The following LIPE variants were observed in gnomAD, a reference collection of about 807,000 sequenced individuals.
LIPE encodes the protein hormone-sensitive lipase.
Under a neutral mutation model 88.5 loss-of-function variants are expected in LIPE, and 66 were observed. That is an observed-to-expected ratio of 0.75 (90% CI 0.61 to 0.91). The LOEUF (loss-of-function observed/expected upper bound fraction) is 0.91, where lower values mean the gene tolerates loss of function less well. Ranked by LOEUF, LIPE falls within the 40% of genes least tolerant of loss-of-function variation. LIPE has a pLI of 0.00. For synonymous variants in LIPE, 570 were observed against 617.5 expected, an observed-to-expected ratio of 0.92 and a Z score of 1.14; for missense variants, 1,346 against 1,434.7, an observed-to-expected ratio of 0.94 and a Z score of 1.00.
rs866030083 is a variant in LIPE, at chr19:42,423,524, C to T, written c.883+2743G>A. On this transcript the variant is annotated intron_variant, in intron 1 of 9. Transcript: ENST00000244289. ...GCGGCCTCGGCGGGCTCCGTTCCCC[C>T]GGCCAACTCCATCAATTCCCCGCGG... is the stretch of plus-strand genomic sequence containing the variant. 5 of 1,262,042 alleles carry T rather than the reference C, an allele frequency of 4.0e-6. No homozygotes were observed. In the African/African-American group the frequency reaches 6.2e-5, roughly 16 times the overall value. 78.2% of individuals were successfully genotyped at this position (1,262,042 alleles called of 1,614,324 possible).
rs1383730487 is a variant in LIPE at position 42,424,327 on chromosome 19, T to C, written c.883+1940A>G. The C allele has an allele frequency of 8.7e-6, 4 of 458,304 alleles. No individual in the cohort carries two copies. In the East Asian group the frequency reaches 2.8e-4, roughly 32 times the overall value. 28.4% of individuals were successfully genotyped at this position (458,304 alleles called of 1,614,324 possible). On this transcript the variant is annotated intron_variant, in intron 1 of 9. Transcript: ENST00000244289. ...AGAAATGGCGGGAAACAGAGGAGGC[T>C]CGAGGCTTGCTCACACGCACACAGC...
Position 42,407,528 on chromosome 19 carries a change from C to T in LIPE, c.1843-60G>A, listed in dbSNP as rs2040225665. 9.5e-6 allele frequency: 15 copies of T among 1,579,680 alleles called. No homozygotes were observed. In the East Asian group the frequency reaches 2.0e-4, roughly 21 times the overall value. ...GGGAGAGCTGGCCAGGGCTGCACCCCTCCATGGGGATGCCAAGGTGGGGGC... is the reference window on the plus strand; with the variant it reads ...GGGAGAGCTGGCCAGGGCTGCACCCTTCCATGGGGATGCCAAGGTGGGGGC... On this transcript the variant is annotated intron_variant, in intron 5 of 9. Transcript: ENST00000244289. This position sits in a 1 kb window ranked among gnomAD's most constrained non-coding sequence, Gnocchi z 5.8.
intron 1 of LIPE, among the ~76,000 whole-genome samples, chr19:42,417,024 C>T (rs2040501759): frequency 6.6e-6 from 1 of 152,162 alleles, no homozygotes; most frequent in South Asian, 2.1e-4. Flanking sequence ...GGGTTCACGC[C>T]ATTCTCCTGC....
chr19:42,415,694 C>T (rs186201041), intron 1 of LIPE, among the ~76,000 whole-genome samples: 3 of 152,102 alleles, frequency 2.0e-5, no homozygotes, highest in African/African-American at 7.2e-5. Flanking sequence ...CCTGTAGTCC[C>T]AGCTACTAGG....
At chr19:42,409,634 G>A (rs1409537974) in intron 2 of LIPE, among the ~76,000 whole-genome samples, 1 of 152,244 alleles carries the variant, frequency 6.6e-6, no homozygotes, top group Non-Finnish European at 1.5e-5. Context: ...GCTGGGCCCT[G>A]CCCCTGGCTG....
intron 1 of LIPE, chr19:42,424,582 G>A (rs1227712469): frequency 2.2e-6 from 1 of 456,206 alleles, no homozygotes; most frequent in African/African-American, 2.0e-5. Context: ...CAGCAGCCCC[G>A]GCGCTGAGAA....
At chr19:42,409,230 G>A (rs1365276121) in intron 2 of LIPE, among the ~76,000 whole-genome samples, 1 of 151,950 alleles carries the variant, frequency 6.6e-6, no homozygotes, top group African/African-American at 2.4e-5. Context: ...GAGAGACAGC[G>A]TCTGACAGAG....
In LIPE at chr19:42,414,519, T is replaced by C. The variant is rs1049101241; in HGVS notation, c.884-3677A>G. ...CACTTGGCCTTCCTGAGATGGTGTATTGGGTGATTTTTCTCTGCGGCACTT... is the reference window on the plus strand; with the variant it reads ...CACTTGGCCTTCCTGAGATGGTGTACTGGGTGATTTTTCTCTGCGGCACTT... On this transcript the variant is annotated intron_variant, in intron 1 of 9. Transcript: ENST00000244289. The surrounding 1 kb of genome is among the most constrained non-coding windows in gnomAD (Gnocchi z 4.6). Among the ~76,000 whole-genome samples the C allele has an allele frequency of 2.0e-5, 3 of 152,196 alleles. No individual in the cohort carries two copies. Among genetic ancestry groups the C allele is most frequent in the Admixed American group, 1.3e-4 (2 of 15,278 alleles).
chr19:42,407,530 C>T lies in LIPE; in HGVS notation c.1843-62G>A. On this transcript the variant is annotated intron_variant, in intron 5 of 9. Coordinates refer to ENST00000244289, the MANE Select transcript of LIPE (RefSeq NM_005357.4). The surrounding 1 kb of genome is among the most constrained non-coding windows in gnomAD (Gnocchi z 5.8). The stretch of plus-strand genomic sequence containing the variant: ...GAGAGCTGGCCAGGGCTGCACCCCT[C>T]CATGGGGATGCCAAGGTGGGGGCTG... 4 of 1,578,856 alleles carry T rather than the reference C, an allele frequency of 2.5e-6. No individual in the cohort carries two copies. Among genetic ancestry groups the T allele is most frequent in the Non-Finnish European group, 3.5e-6 (4 of 1,158,838 alleles).
chr19:42,424,645 G>A (rs2040674649), intron 1 of LIPE: 1 of 456,218 alleles, frequency 2.2e-6, no homozygotes, highest in African/African-American at 2.0e-5. Context: ...TGGCCTCTGG[G>A]CGGAGGGGCC....
chr19:42,406,074 G>C lies in LIPE; in HGVS notation c.2365+87C>G, dbSNP rs2147591881. ...CCTCTGCCTGGCCTCTCCTTCCTCA[G>C]TCACAGGAGTCCTGGTCCCCAGCCC... On this transcript the variant is annotated intron_variant, in intron 7 of 9. Coordinates refer to ENST00000244289, the MANE Select transcript of LIPE (RefSeq NM_005357.4). The surrounding 1 kb of genome is among the most constrained non-coding windows in gnomAD (Gnocchi z 5.7). 1 of 1,191,280 alleles carries C rather than the reference G, an allele frequency of 8.4e-7. No individual in the cohort carries two copies. Among genetic ancestry groups the C allele is most frequent in the Non-Finnish European group, 1.2e-6 (1 of 836,900 alleles). The allele number at this position is 1,191,280 out of a possible 1,614,324, so 73.8% of individuals were successfully genotyped here. A position where few individuals can be genotyped will look rare whatever the true frequency, so the allele number is the denominator to read the frequency against.
Position 42,413,907 on chromosome 19 carries a change from C to T in LIPE, c.884-3065G>A, listed in dbSNP as rs376723064. 6.4e-4 allele frequency among the ~76,000 whole-genome samples: 97 copies of T among 152,274 alleles called. 1 individual carries two copies. Among genetic ancestry groups the T allele is most frequent in the African/African-American group, 2.1e-3 (87 of 41,544 alleles). On this transcript the variant is annotated intron_variant, in intron 1 of 9. Transcript: ENST00000244289. ...AGGGGCTAGTTAGCTCAGGAGAGGA[C>T]GGCCCCTCCCCAGGGCTGGCAGACA...
At position 42,408,550 on chromosome 19, in the gene LIPE, A is replaced by T; in HGVS notation, c.1420-228T>A. 1.9e-6 allele frequency: 1 copy of T among 536,026 alleles called. No homozygotes were observed. Among genetic ancestry groups the T allele is most frequent in the East Asian group, 3.2e-5 (1 of 31,342 alleles). The allele number at this position is 536,026 out of a possible 1,614,324, so 33.2% of individuals were successfully genotyped here. A position where few individuals can be genotyped will look rare whatever the true frequency, so the allele number is the denominator to read the frequency against. ...GCCACGCGCAGTATCATGACAAGGA[A>T]TGACGAATGGTTTGGAAAAAAAAAA... On this transcript the variant is annotated intron_variant, in intron 2 of 9. Transcript: ENST00000244289. The surrounding 1 kb of genome is among the most constrained non-coding windows in gnomAD (Gnocchi z 4.3).
At position 42,426,760 on chromosome 19, in the gene LIPE, T is replaced by C; in HGVS notation, c.390A>G (p.Ala130=). 6.2e-7 allele frequency: 1 copy of C among 1,614,214 alleles called. No homozygotes were observed. Among genetic ancestry groups the C allele is most frequent in the Non-Finnish European group, 8.5e-7 (1 of 1,180,026 alleles). The change falls in exon 1 of 10, where the codon GCA becomes GCG. Residue 130 remains alanine (A), a synonymous_variant. Coordinates refer to ENST00000244289, the MANE Select transcript of LIPE (RefSeq NM_005357.4). ...GKESITQQEP[A]LRQRHVAQPG... is the part of the protein sequence containing the mutation. ...GCTGGGCTACATGTCTTTGTCTCAATGCTGGCTCCTGTTGAGTTATAGATT... is the reference window on the plus strand; with the variant it reads ...GCTGGGCTACATGTCTTTGTCTCAACGCTGGCTCCTGTTGAGTTATAGATT...
At chr19:42,424,288 A>G (rs995081553) in intron 1 of LIPE, 1 of 468,128 alleles carries the variant, frequency 2.1e-6, no homozygotes, top group African/African-American at 2.0e-5. Flanking sequence ...GGTAGAGGGA[A>G]CGACGCATGC....
chr19:42,405,696 G>A lies in LIPE; in HGVS notation c.2366-135C>T, dbSNP rs556437723. ...TTCAAAAGGGATAAGGAGGCTGGGC[G>A]CAGTGGCTCACGCCTGTAGTCCCAG... On this transcript the variant is annotated intron_variant, in intron 7 of 9. Coordinates refer to ENST00000244289, the MANE Select transcript of LIPE (RefSeq NM_005357.4). The A allele has an allele frequency of 6.0e-5, 51 of 855,172 alleles. 1 individual carries two copies. In the African/African-American group the frequency reaches 7.1e-4, roughly 12 times the overall value. The allele number at this position is 855,172 out of a possible 1,614,324, so 53.0% of individuals were successfully genotyped here.
chr19:42,423,158 C>T (rs1032929569), intron 1 of LIPE: 1 of 300,218 alleles, frequency 3.3e-6, no homozygotes, highest in Non-Finnish European at 6.6e-6. Context: ...GAGCGGGAAC[C>T]CTGGTCCACG....
chr19:42,407,834 G>T lies in LIPE; in HGVS notation c.1657-43C>A. 6.5e-7 allele frequency: 1 copy of T among 1,547,354 alleles called. No homozygotes were observed. Among genetic ancestry groups the T allele is most frequent in the South Asian group, 1.2e-5 (1 of 81,018 alleles). ...AAGGGGTGCTAGGGAAGGTCTGCCT[G>T]CAGGGGTGCCCTTCACCTCTCCCTC... On this transcript the variant is annotated intron_variant, in intron 4 of 9. Coordinates refer to ENST00000244289, the MANE Select transcript of LIPE (RefSeq NM_005357.4). The surrounding 1 kb of genome is among the most constrained non-coding windows in gnomAD (Gnocchi z 5.8).
In LIPE at chr19:42,426,578, A is replaced by G; in HGVS notation, c.572T>C (p.Val191Ala). 1 of 1,614,024 alleles carries G rather than the reference A, an allele frequency of 6.2e-7. No homozygotes were observed. The highest frequency in any genetic ancestry group is 8.5e-7 in the Non-Finnish European group (1 of 1,180,004). Residue 191 changes from valine to alanine, a missense_variant, in exon 1 of 10, where the codon GTC (valine) becomes GCC (alanine). Physicochemically the swap from Val to Ala is moderately conservative, Grantham distance 64 (BLOSUM62 0). Coordinates refer to ENST00000244289, the MANE Select transcript of LIPE (RefSeq NM_005357.4). ...PEQSDKQTTPVQGAKSKQGSL... is the reference protein window; with the variant it reads ...PEQSDKQTTPAQGAKSKQGSL... ...TCCCTGCTTGGATTTGGCTCCCTGG[A>G]CTGGCGTTGTTTGCTTGTCTGACTG...
Sources: gnomAD v4.1 joint callset for allele counts (sites outside exome capture counted in the v4.1 genomes callset) on GRCh38, gnomAD v4.1.1 for gene constraint, Gnocchi (gnomAD v3.1) non-coding constraint, MANE v1.5 for transcripts, NCBI Gene and HGNC (gene_info 2026-07-23, HGNC 2026-07-21) for gene names.